Variants in MYO16 observed in about 807,000 individuals in gnomAD.
MYO16 encodes the protein myosin XVI, also known as unconventional myosin-XVI.
In MYO16, 94 loss-of-function variants were observed where a neutral mutation model predicts 205.3. The ratio of observed to expected loss-of-function variants is 0.46; its 90% CI spans 0.39 to 0.54. MYO16 has a LOEUF of 0.54. MYO16 is among the 20% of genes least tolerant of loss of function. The pLI, the probability that MYO16 is intolerant of heterozygous loss-of-function variation, is 0.00. For synonymous variants in MYO16, 988 were observed against 954.0 expected (o/e 1.04, Z -0.66); for missense variants, 2,315 against 2,387.5 (o/e 0.97, Z 0.63).
rs1394759728 is a variant in MYO16, at chr13:109,179,600, A to G, written c.5382A>G (p.Thr1794=). The change falls in exon 34 of 35, where the codon ACA becomes ACG. Residue 1794 remains threonine (T), a synonymous_variant. Transcript: ENST00000457511. ...RLSISGTGTS[T]FQRHRDSHTT... ...CTATAAGTGGCACAGGGACTTCGACATTTCAAAGACACAGGGACAGTCACA... is the reference window on the plus strand; with the variant it reads ...CTATAAGTGGCACAGGGACTTCGACGTTTCAAAGACACAGGGACAGTCACA... The G allele has an allele frequency of 6.2e-7, 1 of 1,614,006 alleles. No homozygotes were observed. Among genetic ancestry groups the G allele is most frequent in the Non-Finnish European group, 8.5e-7 (1 of 1,179,842 alleles).
At chr13:108,622,552 G>T (rs1879584198) in intron 1 of MYO16, among the ~76,000 whole-genome samples, 1 of 151,860 alleles carries the variant, frequency 6.6e-6, no homozygotes, top group African/African-American at 2.4e-5. Flanking sequence ...TGTGTCTGTT[G>T]CTTTACTCTG....
At chr13:109,099,157 G>C (rs1888873535) in intron 27 of MYO16, among the ~76,000 whole-genome samples, 1 of 152,166 alleles carries the variant, frequency 6.6e-6, no homozygotes, top group African/African-American at 2.4e-5. Flanking sequence ...TGCACTGTAT[G>C]TTCATTAGCA....
chr13:109,135,671 G>C (rs752248968), intron 31 of MYO16, among the ~76,000 whole-genome samples: 1 of 152,188 alleles, frequency 6.6e-6, no homozygotes, highest in Non-Finnish European at 1.5e-5. Flanking sequence ...AAAATTTTGA[G>C]AGACCAAAGT....
the MYO16 span, among the ~76,000 whole-genome samples, chr13:108,587,645 T>C: frequency 6.6e-6 from 1 of 152,190 alleles, no homozygotes; most frequent in African/African-American, 2.4e-5. Context: ...TGCTCATTTT[T>C]GGCACCACTG....
chr13:109,007,829 G>A (rs1216549732), intron 21 of MYO16, among the ~76,000 whole-genome samples: 1 of 152,006 alleles, frequency 6.6e-6, no homozygotes, highest in Admixed American at 6.6e-5. Flanking sequence ...TCAATATAAT[G>A]ATTTGACTGT....
intron 1 of MYO16, among the ~76,000 whole-genome samples, chr13:108,622,938 A>T (rs1879598973): frequency 6.6e-6 from 1 of 152,128 alleles, no homozygotes; most frequent in Non-Finnish European, 1.5e-5. Flanking sequence ...CAAGGACTCT[A>T]AGCTTTTATA....
chr13:108,620,411 A>C (rs567154079), intron 1 of MYO16, among the ~76,000 whole-genome samples: 1 of 152,154 alleles, frequency 6.6e-6, no homozygotes, highest in Non-Finnish European at 1.5e-5. Context: ...ACACTGAAGA[A>C]GAGAGGAAGC....
chr13:108,771,187 A>G (rs1885950999), intron 4 of MYO16, among the ~76,000 whole-genome samples: 1 of 152,188 alleles, frequency 6.6e-6, no homozygotes, highest in African/African-American at 2.4e-5. Flanking sequence ...CTATATAGAT[A>G]TATACACGGG....
intron 31 of MYO16, among the ~76,000 whole-genome samples, chr13:109,139,857 G>A (rs529617886): frequency 3.3e-5 from 5 of 152,170 alleles, no homozygotes; most frequent in East Asian, 1.9e-4. Context: ...CACCAGAGCC[G>A]GGTGGTGGCA....
intron 20 of MYO16, among the ~76,000 whole-genome samples, chr13:108,969,953 C>A (rs1458068675): frequency 1.3e-5 from 2 of 152,132 alleles, no homozygotes; most frequent in Admixed American, 6.5e-5. Context: ...ACTGAAGAAA[C>A]CCTTTTCCAT....
At chr13:108,865,945 T>G (rs978145897) in intron 11 of MYO16, among the ~76,000 whole-genome samples, 6 of 152,102 alleles carry the variant, frequency 3.9e-5, no homozygotes, top group African/African-American at 1.4e-4. Context: ...TCATTTCTCT[T>G]ATGTTCAGTG....
intron 16 of MYO16, among the ~76,000 whole-genome samples, chr13:108,936,307 C>A (rs1287049896): frequency 6.6e-6 from 1 of 152,030 alleles, no homozygotes; most frequent in Non-Finnish European, 1.5e-5. Flanking sequence ...ACCAGCTCTT[C>A]TTTGTATTTT....
intron 32 of MYO16, among the ~76,000 whole-genome samples, chr13:109,153,027 A>G (rs1877764402): frequency 6.6e-6 from 1 of 152,208 alleles, no homozygotes; most frequent in African/African-American, 2.4e-5. Flanking sequence ...CGACGCATCC[A>G]GGGGACGAGA....
At chr13:108,561,823 T>C in the MYO16 span, among the ~76,000 whole-genome samples, 6,690 of 152,208 alleles carry the variant, frequency 0.044, 446 homozygotes, top group African/African-American at 0.15. Context: ...TCAAATAAAT[T>C]CTCTTGCTAC....
chr13:108,619,755 C>T (rs1348007972), intron 1 of MYO16, among the ~76,000 whole-genome samples: 3 of 152,150 alleles, frequency 2.0e-5, no homozygotes, highest in Non-Finnish European at 2.9e-5. Flanking sequence ...CCACCTTCTC[C>T]TCTCCAGATG....
intron 21 of MYO16, among the ~76,000 whole-genome samples, chr13:108,996,372 G>A (rs1885003775): frequency 6.6e-6 from 1 of 152,136 alleles, no homozygotes; most frequent in Non-Finnish European, 1.5e-5. Flanking sequence ...ATGTACAACA[G>A]CTGAATGTGT....
At chr13:108,573,885 C>T in the MYO16 span, among the ~76,000 whole-genome samples, 12 of 152,162 alleles carry the variant, frequency 7.9e-5, no homozygotes, top group African/African-American at 2.9e-4. Context: ...GGGTCTCACT[C>T]CATTGCCCAG....
At chr13:108,968,233 C>T (rs1594433936) in intron 20 of MYO16, among the ~76,000 whole-genome samples, 1 of 152,130 alleles carries the variant, frequency 6.6e-6, no homozygotes, top group South Asian at 2.1e-4. Context: ...TTGCTCAGTG[C>T]TATCATGGTC....
At chr13:108,726,621 G>A (rs1418431076) in intron 3 of MYO16, among the ~76,000 whole-genome samples, 1 of 151,580 alleles carries the variant, frequency 6.6e-6, no homozygotes, top group Non-Finnish European at 1.5e-5. Flanking sequence ...GATTTGAAGA[G>A]GCCAATGCAA....
Sources: allele counts gnomAD v4.1 joint callset (sites outside exome capture counted in the v4.1 genomes callset), GRCh38; gene constraint gnomAD v4.1.1; transcripts MANE v1.5; gene names NCBI Gene and HGNC (gene_info 2026-07-23, HGNC 2026-07-21).